IMPG2: variants seen among roughly 807,000 people sequenced by gnomAD.
IMPG2 encodes IPM 200.
In IMPG2, 91 loss-of-function variants were observed where a neutral mutation model predicts 129.2. That is an observed-to-expected ratio of 0.70 (90% CI 0.59 to 0.84). IMPG2 has a LOEUF of 0.84. Ranked by LOEUF, IMPG2 falls within the 40% of genes least tolerant of loss-of-function variation. IMPG2 has a pLI of 0.00. For missense variants in IMPG2, 1,430 were observed against 1,461.7 expected, an observed-to-expected ratio of 0.98 and a Z score of 0.35; for synonymous variants, 510 against 517.7, an observed-to-expected ratio of 0.99 and a Z score of 0.20.
At chr3:101,255,343 CT>C (rs1706587238) in intron 10 of IMPG2, among the ~76,000 whole-genome samples, 1 of 152,042 alleles carries the variant, frequency 6.6e-6, no homozygotes. Context: ...TATTGTAAAG[CT>C]TTTGTTGAAC....
intron 3 of IMPG2, among the ~76,000 whole-genome samples, chr3:101,298,173 T>A (rs968805880): frequency 1.3e-5 from 2 of 152,168 alleles, no homozygotes; most frequent in Non-Finnish European, 2.9e-5. Context: ...TGTCTTTTTT[T>A]ATCTTTGTTG....
chr3:101,295,002 T>C (rs562475762), intron 3 of IMPG2, among the ~76,000 whole-genome samples: 100 of 152,318 alleles, frequency 6.6e-4, no homozygotes, highest in African/African-American at 2.3e-3. Context: ...ATGGGTAGAT[T>C]GCAAAATTTT....
At chr3:101,307,292 A>T (rs2107139623) in intron 2 of IMPG2, among the ~76,000 whole-genome samples, 1 of 152,378 alleles carries the variant, frequency 6.6e-6, no homozygotes, top group African/African-American at 2.4e-5. Flanking sequence ...GTATAATAGT[A>T]TAACCACTTT....
At chr3:101,253,351 A>C (rs1487008357) in intron 11 of IMPG2, among the ~76,000 whole-genome samples, 1 of 152,166 alleles carries the variant, frequency 6.6e-6, no homozygotes. Flanking sequence ...ACATCAATTT[A>C]TCATGTTGGC....
chr3:101,232,636 CAGTT>C (rs1187805923), intron 15 of IMPG2, 141 bp downstream of exon 15: 4 of 687,430 alleles, frequency 5.8e-6, no homozygotes, highest in South Asian at 3.4e-5. Flanking sequence ...CCTCACATGA[CAGTT>C]AGATGGCTCC....
chr3:101,304,855 T>A (rs1433784635), intron 2 of IMPG2, among the ~76,000 whole-genome samples: 35 of 147,212 alleles, frequency 2.4e-4, no homozygotes, highest in South Asian at 2.1e-4. Context: ...ATATTTCTGA[T>A]AAAAAAAAAA....
rs1014256768 is a variant in IMPG2 at position 101,319,528 on chromosome 3, G to A, written c.334+56C>T. On this transcript the variant is annotated intron_variant, in intron 2 of 18. Transcript: ENST00000193391. ...TGATTTACAATGTTACCTAACAAATGATTAAACTATGTTTGAATTTCATTA... is the reference window on the plus strand; with the variant it reads ...TGATTTACAATGTTACCTAACAAATAATTAAACTATGTTTGAATTTCATTA... 8.1e-6 allele frequency: 13 copies of A among 1,600,922 alleles called. No homozygotes were observed. The African/African-American group carries it at 1.6e-4, about 20-fold the overall frequency.
Position 101,303,828 on chromosome 3 carries a change from T to G in IMPG2, c.501+318A>C, listed in dbSNP as rs112474977. ...ATGTTTGACTCTCACGGATTTATAT[T>G]CTTAACCTAAACCTTTGCTGAATAT... is the stretch of plus-strand genomic sequence containing the variant. On this transcript the variant is annotated intron_variant, in intron 3 of 18. Transcript: ENST00000193391. Among the ~76,000 whole-genome samples, 900 of 152,344 alleles carry G rather than the reference T, an allele frequency of 5.9e-3. 6 individuals carry two copies. The highest frequency in any genetic ancestry group is 0.021 in the African/African-American group (866 of 41,580).
chr3:101,244,196 A>T lies in IMPG2; in HGVS notation c.2135T>A (p.Val712Asp), dbSNP rs900418391. The change falls in exon 13 of 19, where the codon GTT (valine) becomes GAT (aspartate). Residue 712 changes from valine (V) to aspartate (D), a missense_variant. Coordinates refer to ENST00000193391, the MANE Select transcript of IMPG2 (RefSeq NM_016247.4). ...LPKHISEVPGVDDYSVTKAPL... is the reference protein window; with the variant it reads ...LPKHISEVPGDDDYSVTKAPL... Reference sequence around the variant, plus strand: ...TGCTTTGGTAACTGAGTAATCATCAACACCAGGTACTTCTGATATGTGCTT... The same window carrying T: ...TGCTTTGGTAACTGAGTAATCATCATCACCAGGTACTTCTGATATGTGCTT... 2.5e-6 allele frequency: 4 copies of T among 1,613,912 alleles called. No individual in the cohort carries two copies. In the African/African-American group the frequency reaches 5.3e-5, roughly 22 times the overall value.
intron 12 of IMPG2, 65 bp from the exon 13 acceptor site, chr3:101,244,852 A>G: frequency 7.2e-7 from 1 of 1,392,486 alleles, no homozygotes; most frequent in Non-Finnish European, 1.0e-6. Flanking sequence ...AGTTCTCCTA[A>G]TAAAACTAGT....
chr3:101,314,011 T>C (rs958457546), intron 2 of IMPG2, among the ~76,000 whole-genome samples: 11 of 152,240 alleles, frequency 7.2e-5, no homozygotes, highest in Admixed American at 7.2e-4. Flanking sequence ...GAAATCCTTA[T>C]AAATAAATCT....
rs777298454 is a variant in IMPG2 at position 101,304,133 on chromosome 3, T to C, written c.501+13A>G. The C allele has an allele frequency of 5.0e-6, 8 of 1,613,568 alleles. No homozygotes were observed. The highest frequency in any genetic ancestry group is 6.8e-6 in the Non-Finnish European group (8 of 1,179,500). ...AATAGTCCAGGAATCCCTTCCTTTG[T>C]TGTGACACTTACCTTCATGATTAAG... is the stretch of plus-strand genomic sequence containing the variant. On this transcript the variant is annotated intron_variant, in intron 3 of 18. Transcript: ENST00000193391.
rs974783830 is a variant in IMPG2 at position 101,224,032 on chromosome 3, C to T, written c.*2937G>A. ...TGGTGGTGGGTGTCTGTAACCCCAG[C>T]TACTCAGGAAGCTGAAGCACGAGAA... is the stretch of plus-strand genomic sequence containing the variant. On this transcript the variant is annotated 3_prime_UTR_variant, in exon 19 of 19. Coordinates refer to ENST00000193391, the MANE Select transcript of IMPG2 (RefSeq NM_016247.4). The T allele has an allele frequency of 6.6e-6, 1 of 152,150 alleles. No homozygotes were observed. Among genetic ancestry groups the T allele is most frequent in the African/African-American group, 2.4e-5 (1 of 41,422 alleles). The allele number at this position is 152,150 out of a possible 1,614,324, so 9.4% of individuals were successfully genotyped here. A position where few individuals can be genotyped will look rare whatever the true frequency, so the allele number is the denominator to read the frequency against.
At chr3:101,314,433 C>T (rs504482) in intron 2 of IMPG2, among the ~76,000 whole-genome samples, 134,214 of 152,084 alleles carry the variant, frequency 0.88, 59,635 homozygotes, top group East Asian at 1. Flanking sequence ...GCTTCACTCC[C>T]TAGGACTCTA....
In IMPG2 at chr3:101,317,096, TG is replaced by T. The variant is rs2058789173; in HGVS notation, c.334+2487del. On this transcript the variant is annotated intron_variant, in intron 2 of 18. Transcript: ENST00000193391. ...GGGTAAGGAGAGGTAGTGAGGGAGG[TG>T]GGCATTATAAATGGTCATGAAGAAA... Among the ~76,000 whole-genome samples, 3 of 14,374 alleles carry T rather than the reference TG, an allele frequency of 2.1e-4. No individual in the cohort carries two copies. In the South Asian group the frequency reaches 0.011, roughly 54 times the overall value. The allele number at this position is 14,374 out of a possible 152,430, so 9.4% of individuals were successfully genotyped here.
At chr3:101,283,142 C>A (rs1055604747) in intron 4 of IMPG2, among the ~76,000 whole-genome samples, 1 of 152,128 alleles carries the variant, frequency 6.6e-6, no homozygotes, top group Non-Finnish European at 1.5e-5. Flanking sequence ...CCTGCCTTAG[C>A]CTCCCGAGCA....
At chr3:101,253,263 A>G (rs1298818435) in intron 11 of IMPG2, among the ~76,000 whole-genome samples, 2 of 152,030 alleles carry the variant, frequency 1.3e-5, no homozygotes, top group Non-Finnish European at 2.9e-5. Context: ...CCATACACAC[A>G]CTGTTCTATG....
chr3:101,272,543 A>G lies in IMPG2; in HGVS notation c.828+1038T>C, dbSNP rs1310994983. On this transcript the variant is annotated intron_variant, in intron 7 of 18. Transcript: ENST00000193391. ...CCATGCAATTGTTTACCTAAACACT[A>G]AGCTATATTAAAAGTTCCTTAATCA... 2.0e-5 allele frequency among the ~76,000 whole-genome samples: 3 copies of G among 152,208 alleles called. No homozygotes were observed. In the East Asian group the frequency reaches 5.8e-4, roughly 29 times the overall value.
At chr3:101,283,500 T>C (rs970462314) in intron 4 of IMPG2, among the ~76,000 whole-genome samples, 7 of 152,174 alleles carry the variant, frequency 4.6e-5, no homozygotes, top group African/African-American at 7.2e-5. Context: ...TTTGTTTTCA[T>C]AGAAAGTTTT....
Sources: allele counts gnomAD v4.1 joint callset (sites outside exome capture counted in the v4.1 genomes callset), GRCh38; gene constraint gnomAD v4.1.1; transcripts MANE v1.5; gene names NCBI Gene and HGNC (gene_info 2026-07-23, HGNC 2026-07-21).